ARSJ: variants seen among roughly 807,000 people sequenced by gnomAD.
ARSJ encodes arylsulfatase family member J.
Under a neutral mutation model 35.9 loss-of-function variants are expected in ARSJ, and 26 were observed. The observed-to-expected ratio is 0.72, with a 90% confidence interval of 0.53 to 1.00. The LOEUF is 1.00. Ranked by LOEUF, ARSJ falls within the 50% of genes least tolerant of loss-of-function variation. The probability of loss-of-function intolerance (pLI) is 0.00; values close to 1 mark genes in which losing one functional copy is unlikely to be tolerated. For missense variants in ARSJ, 667 were observed against 723.6 expected, an observed-to-expected ratio of 0.92 and a Z score of 0.90; for synonymous variants, 294 against 267.6, an observed-to-expected ratio of 1.10 and a Z score of -0.96.
chr4:113,941,721 A>G (rs1258713578), intron 1 of ARSJ, among the ~76,000 whole-genome samples: 1 of 152,014 alleles, frequency 6.6e-6, no homozygotes, highest in East Asian at 1.9e-4. Context: ...ATCTAGATAA[A>G]TCACTGATTT....
chr4:113,928,478 T>C (rs998128740), intron 1 of ARSJ, among the ~76,000 whole-genome samples: 2 of 152,166 alleles, frequency 1.3e-5, no homozygotes, highest in African/African-American at 4.8e-5. Context: ...TCTCACTATA[T>C]AAATTAAGTA....
intron 1 of ARSJ, chr4:113,946,466 G>C (rs1308534238): frequency 1.3e-5 from 2 of 151,344 alleles, no homozygotes; most frequent in Non-Finnish European, 2.9e-5. Flanking sequence ...AACACCATGT[G>C]TTACAGTGGA....
At chr4:113,933,846 T>C (rs565508726) in intron 1 of ARSJ, among the ~76,000 whole-genome samples, 30 of 151,910 alleles carry the variant, frequency 2.0e-4, no homozygotes, top group African/African-American at 6.7e-4. Flanking sequence ...TTAGCATTTT[T>C]ATAGAATTAT....
chr4:113,954,819 C>T (rs147565361), intron 1 of ARSJ, among the ~76,000 whole-genome samples: 1,868 of 152,072 alleles, frequency 0.012, 18 homozygotes, highest in Middle Eastern at 0.027. Context: ...GTAGTCTGAG[C>T]CAGATGTCTG....
intron 1 of ARSJ, among the ~76,000 whole-genome samples, chr4:113,911,909 A>G (rs78469340): frequency 0.016 from 2,451 of 152,302 alleles, 71 homozygotes; most frequent in African/African-American, 0.055. Flanking sequence ...TGGCTAGCCC[A>G]TTATATCATG....
At chr4:113,928,066 C>A (rs1724191324) in intron 1 of ARSJ, among the ~76,000 whole-genome samples, 1 of 152,082 alleles carries the variant, frequency 6.6e-6, no homozygotes. Context: ...ACACATTGGA[C>A]CCTCTGTAAG....
At chr4:113,921,811 T>A (rs748629130) in intron 1 of ARSJ, among the ~76,000 whole-genome samples, 63 of 152,278 alleles carry the variant, frequency 4.1e-4, no homozygotes, top group Admixed American at 1.2e-3. Context: ...TAAAATTTCA[T>A]CTTTCACAAT....
intron 1 of ARSJ, among the ~76,000 whole-genome samples, chr4:113,927,192 G>C (rs1300843882): frequency 2.6e-5 from 4 of 152,062 alleles, no homozygotes; most frequent in Non-Finnish European, 5.9e-5. Context: ...GTTGTAGGAG[G>C]GGCCAAATGC....
At chr4:113,936,683 G>A (rs1041629591) in intron 1 of ARSJ, among the ~76,000 whole-genome samples, 2 of 151,724 alleles carry the variant, frequency 1.3e-5, no homozygotes, top group Admixed American at 6.6e-5. Context: ...CAGATTCATC[G>A]TAGGCTTTCC....
At chr4:113,930,180 G>T (rs1724342423) in intron 1 of ARSJ, among the ~76,000 whole-genome samples, 2 of 152,156 alleles carry the variant, frequency 1.3e-5, no homozygotes, top group Non-Finnish European at 2.9e-5. Context: ...TGGGAGTTTA[G>T]TAAGTATTAA....
At chr4:113,946,121 C>T (rs1725465054) in intron 1 of ARSJ, 1 of 151,972 alleles carries the variant, frequency 6.6e-6, no homozygotes, top group Non-Finnish European at 1.5e-5. Flanking sequence ...GTTCCCCTGG[C>T]TGGGTGAAAC....
chr4:113,906,844 C>A, intron 1 of ARSJ: 1 of 400,780 alleles, frequency 2.5e-6, no homozygotes, highest in Non-Finnish European at 4.9e-6. Flanking sequence ...ATAGCTTTAA[C>A]AATTATCCCA....
intron 1 of ARSJ, among the ~76,000 whole-genome samples, chr4:113,955,052 GC>G (rs1374440165): frequency 4.1e-5 from 6 of 147,622 alleles, no homozygotes; most frequent in Admixed American, 1.4e-4. Flanking sequence ...CTGTTTCCAA[GC>G]CTATACCAGA....
At chr4:113,930,028 C>A (rs1554116226) in intron 1 of ARSJ, among the ~76,000 whole-genome samples, 1 of 152,026 alleles carries the variant, frequency 6.6e-6, no homozygotes, top group Non-Finnish European at 1.5e-5. Context: ...ATTTTTGGGT[C>A]TAATCATATT....
intron 1 of ARSJ, among the ~76,000 whole-genome samples, chr4:113,909,357 G>T (rs1407411637): frequency 6.6e-6 from 1 of 152,162 alleles, no homozygotes; most frequent in South Asian, 2.1e-4. Context: ...ATAAGCATTT[G>T]CCAAGGATTT....
At chr4:113,906,788 A>G (rs1371645212) in intron 1 of ARSJ, 2 of 455,486 alleles carry the variant, frequency 4.4e-6, no homozygotes, top group Admixed American at 2.4e-5. Context: ...TGCTGCAAGC[A>G]TTGGAAGGGA....
chr4:113,919,499 T>A (rs10007297), intron 1 of ARSJ, among the ~76,000 whole-genome samples: 107,733 of 152,130 alleles, frequency 0.71, 38,938 homozygotes, highest in East Asian at 0.81. Flanking sequence ...CAACTAACTG[T>A]TATTGTTGAT....
rs1251301048 is a variant in ARSJ at position 113,978,436 on chromosome 4, C to T, written c.398+1G>A. 1 of 1,581,412 alleles carries T rather than the reference C, an allele frequency of 6.3e-7. No homozygotes were observed. Among genetic ancestry groups the T allele is most frequent in the African/African-American group, 1.4e-5 (1 of 73,476 alleles). ...TAAATATAAGAAGTAGGAACACTTACTTTCCAGTAATAAACTGACTCCTGG... is the reference window on the plus strand; with the variant it reads ...TAAATATAAGAAGTAGGAACACTTATTTTCCAGTAATAAACTGACTCCTGG... On this transcript the variant is annotated splice_donor_variant, in intron 1 of 1. Coordinates refer to ENST00000315366, the MANE Select transcript of ARSJ (RefSeq NM_024590.4). LOFTEE classifies it high-confidence loss of function.
rs796628350 is a variant in ARSJ at position 113,911,637 on chromosome 4, G to A, written c.399-7962C>T. Among the ~76,000 whole-genome samples the A allele has an allele frequency of 2.0e-5, 3 of 152,230 alleles. No individual in the cohort carries two copies. In the South Asian group the frequency reaches 6.2e-4, roughly 32 times the overall value. Reference sequence around the variant, plus strand: ...GATGAGTCCAAAGTGTCTGGTCTGGGTGGCCGGGTGTAAGGAAATCTTTGC... The same window carrying A: ...GATGAGTCCAAAGTGTCTGGTCTGGATGGCCGGGTGTAAGGAAATCTTTGC... On this transcript the variant is annotated intron_variant, in intron 1 of 1. Coordinates refer to ENST00000315366, the MANE Select transcript of ARSJ (RefSeq NM_024590.4).
Sources: gnomAD v4.1 joint callset for allele counts (sites outside exome capture counted in the v4.1 genomes callset) on GRCh38, gnomAD v4.1.1 for gene constraint, MANE v1.5 for transcripts, NCBI Gene and HGNC (gene_info 2026-07-23, HGNC 2026-07-21) for gene names.